GARNL3: variants seen among roughly 807,000 people sequenced by gnomAD.
GARNL3 encodes the protein GTPase activating Rap/RanGAP domain like 3.
GARNL3 carries 63 observed loss-of-function variants against 125.0 expected under a neutral mutation model. That is an observed-to-expected ratio of 0.50 (90% CI 0.41 to 0.62). The LOEUF (loss-of-function observed/expected upper bound fraction) is 0.62. Ranked by LOEUF, GARNL3 falls within the 20% of genes least tolerant of loss-of-function variation. The pLI is 0.00. For missense variants in GARNL3, 994 were observed against 1,244.0 expected (o/e 0.80, Z 3.02); for synonymous variants, 439 against 457.5 (o/e 0.96, Z 0.52).
chr9:127,333,245 G>A (rs1044012087), intron 9 of GARNL3, 124 bp downstream of exon 9: 8 of 718,856 alleles, frequency 1.1e-5, no homozygotes, highest in African/African-American at 7.1e-5. Flanking sequence ...GGAGGGAGGT[G>A]AGCTCCACAC....
chr9:127,335,522 T>A (rs1487214537), intron 10 of GARNL3, among the ~76,000 whole-genome samples, 189 bp downstream of exon 10: 2 of 152,206 alleles, frequency 1.3e-5, no homozygotes, highest in Non-Finnish European at 2.9e-5. Flanking sequence ...TCACTGGTGC[T>A]GTCACCTTAG....
rs1364494679 is a variant in GARNL3 at position 127,335,248 on chromosome 9, A to G, written c.788A>G (p.His263Arg). The G allele has an allele frequency of 7.4e-6, 12 of 1,613,168 alleles. No individual in the cohort carries two copies. Among genetic ancestry groups the G allele is most frequent in the Non-Finnish European group, 1.0e-5 (12 of 1,179,100 alleles). The change falls in exon 10 of 28, where the codon CAT (histidine) becomes CGT (arginine). Residue 263 changes from histidine (H) to arginine (R), a missense_variant. Physicochemically the swap from His to Arg is conservative, Grantham distance 29. This residue lies in a region of GARNL3 where 71 missense variants were observed against 66.2 expected (regional missense o/e 1.07). Transcript: ENST00000373387. ...LDTKNDTTGI[H>R]SVYTVYQGHE... Reference sequence around the variant, plus strand: ...TTTGCAGATGATACCACAGGGATACATTCAGTTTATACTGTGTACCAAGGG... The same window carrying G: ...TTTGCAGATGATACCACAGGGATACGTTCAGTTTATACTGTGTACCAAGGG...
At chr9:127,269,466 T>C (rs527404599) in intron 1 of GARNL3, among the ~76,000 whole-genome samples, 2 of 152,382 alleles carry the variant, frequency 1.3e-5, no homozygotes, top group Admixed American at 6.5e-5. Flanking sequence ...AAGGTGATTC[T>C]GTTTTTAGCT....
chr9:127,321,438 T>A (rs534129481), intron 6 of GARNL3, among the ~76,000 whole-genome samples: 3 of 152,334 alleles, frequency 2.0e-5, no homozygotes, highest in African/African-American at 4.8e-5. Context: ...AAGAGATTTT[T>A]AAAAAGTTAA....
At chr9:127,305,157 C>A (rs1309261642) in intron 2 of GARNL3, among the ~76,000 whole-genome samples, 1 of 152,090 alleles carries the variant, frequency 6.6e-6, no homozygotes, top group Non-Finnish European at 1.5e-5. Context: ...AACAAGGGAG[C>A]CTTCTGGAAT....
chr9:127,391,240 G>A (rs1420358262), intron 27 of GARNL3, among the ~76,000 whole-genome samples: 3 of 150,794 alleles, frequency 2.0e-5, no homozygotes, highest in African/African-American at 2.4e-5. Flanking sequence ...AGCCAAGATC[G>A]TGCCACTGCA....
intron 1 of GARNL3, among the ~76,000 whole-genome samples, chr9:127,285,694 A>G (rs1241226496): frequency 6.6e-6 from 1 of 152,208 alleles, no homozygotes; most frequent in African/African-American, 2.4e-5. Flanking sequence ...TACTCATTAC[A>G]TAAATGTTTA....
At chr9:127,356,789 A>C (rs1322212447) in intron 20 of GARNL3, among the ~76,000 whole-genome samples, 1 of 152,248 alleles carries the variant, frequency 6.6e-6, no homozygotes, top group Non-Finnish European at 1.5e-5. Context: ...CAGTTTCCTC[A>C]TCTGTAAGAC....
intron 1 of GARNL3, among the ~76,000 whole-genome samples, chr9:127,289,430 C>T (rs947792971): frequency 6.6e-6 from 1 of 152,230 alleles, no homozygotes; most frequent in African/African-American, 2.4e-5. Context: ...AGTTCCATTG[C>T]AGAGCTTCCC....
At chr9:127,320,906 A>G in intron 6 of GARNL3, 128 bp downstream of exon 6, 2 of 642,158 alleles carry the variant, frequency 3.1e-6, no homozygotes, top group East Asian at 2.8e-5. Context: ...TAAAAAAATC[A>G]TCATGGGAGA....
In GARNL3 at chr9:127,349,108, A is replaced by G. The variant is rs371260363; in HGVS notation, c.1543+73A>G. 5 of 1,002,500 alleles carry G rather than the reference A, an allele frequency of 5.0e-6. 1 individual carries two copies. The highest frequency in any genetic ancestry group is 4.8e-5 in the East Asian group (2 of 41,904). The allele number at this position is 1,002,500 out of a possible 1,614,324, so 62.1% of individuals were successfully genotyped here. On this transcript the variant is annotated intron_variant, in intron 17 of 27. Transcript: ENST00000373387. ...GTACTTCTAAGATGAGTGACCACCA[A>G]CCAACTCCCTTTGGGCCATAAATGT...
chr9:127,300,758 T>A (rs2064760556), intron 2 of GARNL3: 2 of 363,730 alleles, frequency 5.5e-6, no homozygotes, highest in Admixed American at 7.9e-5. Context: ...CCTGGCCCTA[T>A]TTGGGTAAAT....
At chr9:127,285,221 C>T (rs767699409) in intron 1 of GARNL3, among the ~76,000 whole-genome samples, 75 of 152,252 alleles carry the variant, frequency 4.9e-4, no homozygotes, top group South Asian at 8.3e-4. Flanking sequence ...CACCTGAGGT[C>T]GGGAGTTTGA....
chr9:127,244,247 C>T (rs975363104), intron 2 of GARNL3, among the ~76,000 whole-genome samples: 37 of 152,136 alleles, frequency 2.4e-4, no homozygotes, highest in African/African-American at 8.2e-4. Flanking sequence ...GCGTGAATAA[C>T]GTGCTAAAGG....
At chr9:127,365,413 T>A in intron 22 of GARNL3, 47 bp downstream of exon 22, 1 of 783,376 alleles carries the variant, frequency 1.3e-6, no homozygotes, top group Non-Finnish European at 1.8e-6. Context: ...AATGGACTGC[T>A]TTTTTTTTTT....
intron 4 of GARNL3, among the ~76,000 whole-genome samples, chr9:127,315,916 A>G (rs2065228696): frequency 6.6e-6 from 1 of 152,218 alleles, no homozygotes; most frequent in African/African-American, 2.4e-5. Context: ...CCTGTTACAC[A>G]GGGTAATCTT....
chr9:127,359,555 G>C (rs1830873905), intron 21 of GARNL3, among the ~76,000 whole-genome samples: 1 of 151,966 alleles, frequency 6.6e-6, no homozygotes. Flanking sequence ...AAACAAAGCA[G>C]AAATGCCATG....
chr9:127,378,123 C>T (rs1832026852), intron 22 of GARNL3, among the ~76,000 whole-genome samples: 1 of 151,802 alleles, frequency 6.6e-6, no homozygotes, highest in South Asian at 2.1e-4. Flanking sequence ...TGCTTGTAAT[C>T]CCAGCTACTC....
At chr9:127,291,075 G>A (rs1226808806) in intron 1 of GARNL3, 93 bp from the exon 2 acceptor site, 2 of 1,298,788 alleles carry the variant, frequency 1.5e-6, no homozygotes, top group Non-Finnish European at 2.2e-6. Context: ...ACTCCAGCCT[G>A]TGTCCTTAGA....
Sources: allele counts gnomAD v4.1 joint callset (sites outside exome capture counted in the v4.1 genomes callset), GRCh38; gene constraint gnomAD v4.1.1; regional missense constraint gnomAD v4.1.1; transcripts MANE v1.5; gene names NCBI Gene and HGNC (gene_info 2026-07-23, HGNC 2026-07-21).